Variants in LUC7L2 observed in about 807,000 individuals in gnomAD.
The protein encoded by LUC7L2 is putative RNA-binding protein Luc7-like 2.
Under a neutral mutation model 52.8 loss-of-function variants are expected in LUC7L2, and 25 were observed. That is an observed-to-expected ratio of 0.47 (90% CI 0.34 to 0.66). The LOEUF (loss-of-function observed/expected upper bound fraction) is 0.66, where lower values mean the gene tolerates loss of function less well. Among genes scored for constraint, LUC7L2 ranks in the 30% least tolerant of loss-of-function variants. LUC7L2 has a pLI of 0.01. For synonymous variants in LUC7L2, 144 were observed against 160.9 expected, an observed-to-expected ratio of 0.89 and a Z score of 0.80; for missense variants, 328 against 497.8, an observed-to-expected ratio of 0.66 and a Z score of 3.25.
chr7:139,354,388 GTCTC>G (rs937681468), intron 1 of LUC7L2, among the ~76,000 whole-genome samples: 5 of 152,192 alleles, frequency 3.3e-5, no homozygotes, highest in Admixed American at 6.5e-5. Flanking sequence ...TTGAAGCAGA[GTCTC>G]TCTCTGTCAC....
chr7:139,406,217 AATATTT>A (rs1426045588), intron 5 of LUC7L2, among the ~76,000 whole-genome samples: 2 of 151,732 alleles, frequency 1.3e-5, no homozygotes, highest in Admixed American at 1.3e-4. Flanking sequence ...ACACCTGGCT[AATATTT>A]ATATTTTTAG....
intron 2 of LUC7L2, among the ~76,000 whole-genome samples, chr7:139,393,098 C>G (rs192275857): frequency 1.8e-3 from 279 of 152,162 alleles, no homozygotes; most frequent in Middle Eastern, 3.4e-3. Context: ...GAAACCCCAA[C>G]TCTACTAAAA....
chr7:139,418,297 A>G (rs1585139078), intron 9 of LUC7L2, among the ~76,000 whole-genome samples: 2 of 152,172 alleles, frequency 1.3e-5, no homozygotes, highest in East Asian at 3.8e-4. Flanking sequence ...AGGGTAAGGT[A>G]TGTTTGAGGA....
rs763661447 is a variant in LUC7L2 at position 139,417,547 on chromosome 7, C to G, written c.819C>G (p.Ser273=). ...SHSKNPKRSR[S]REHRRHRSRS... ...AAATCTTGTCTGGTAGATCCAGGTCCAGAGAGCATCGCAGACATCGATCTC... is the reference window on the plus strand; with the variant it reads ...AAATCTTGTCTGGTAGATCCAGGTCGAGAGAGCATCGCAGACATCGATCTC... Residue 273 remains serine (S), a synonymous_variant, in exon 9 of 10, where the codon TCC becomes TCG. Coordinates refer to ENST00000354926, the MANE Select transcript of LUC7L2 (RefSeq NM_016019.5). 1.2e-6 allele frequency: 2 copies of G among 1,613,382 alleles called. No individual in the cohort carries two copies. The highest frequency in any genetic ancestry group is 1.7e-6 in the Non-Finnish European group (2 of 1,179,504).
At chr7:139,419,143 A>G (rs1795770682) in intron 9 of LUC7L2, among the ~76,000 whole-genome samples, 2 of 148,018 alleles carry the variant, frequency 1.4e-5, no homozygotes, top group Admixed American at 1.5e-4. Context: ...AAAAAAAAAC[A>G]AAAAGTCTCC....
intron 1 of LUC7L2, 130 bp downstream of exon 1, chr7:139,360,452 C>T (rs890025853): frequency 6.8e-6 from 5 of 740,298 alleles, no homozygotes; most frequent in Non-Finnish European, 1.1e-5. Context: ...CACGAGGTCC[C>T]CGTCCCCCGT....
At chr7:139,376,685 A>G (rs1305478143) in intron 2 of LUC7L2, among the ~76,000 whole-genome samples, 1 of 152,224 alleles carries the variant, frequency 6.6e-6, no homozygotes, top group Non-Finnish European at 1.5e-5. Context: ...ATCTTAGAGT[A>G]TCATCGTTTT....
intron 7 of LUC7L2, among the ~76,000 whole-genome samples, chr7:139,411,075 AT>A (rs1344033441): frequency 6.6e-6 from 1 of 152,216 alleles, no homozygotes; most frequent in Non-Finnish European, 1.5e-5. Flanking sequence ...ATTTTCAGTA[AT>A]ATTGGGAATC....
chr7:139,408,405 G>A (rs1795209428), intron 6 of LUC7L2, among the ~76,000 whole-genome samples: 1 of 152,144 alleles, frequency 6.6e-6, no homozygotes, highest in South Asian at 2.1e-4. Flanking sequence ...AATTGGAAGT[G>A]ACCTAAATAT....
At chr7:139,358,535 T>A (rs554771075), upstream of LUC7L2, among the ~76,000 whole-genome samples, 4 of 152,358 alleles carry the variant, frequency 2.6e-5, no homozygotes, top group South Asian at 8.3e-4. Context: ...TATACAGTGT[T>A]AATGGAACAC....
At chr7:139,412,824 TTAAAAAAAA>T in intron 8 of LUC7L2, 1 of 156,458 alleles carries the variant, frequency 6.4e-6, no homozygotes, top group Non-Finnish European at 1.1e-5. Flanking sequence ...GACTCTGTCT[TTAAAAAAAA>T]AAAAAAAAAA....
At chr7:139,404,583 T>A (rs1382851302) in intron 4 of LUC7L2, among the ~76,000 whole-genome samples, 1 of 152,218 alleles carries the variant, frequency 6.6e-6, no homozygotes, top group African/African-American at 2.4e-5. Flanking sequence ...GCAAAGACTT[T>A]GTGGCCCAAA....
chr7:139,408,187 A>T (rs1449862642), intron 6 of LUC7L2, among the ~76,000 whole-genome samples: 1 of 152,234 alleles, frequency 6.6e-6, no homozygotes, highest in African/African-American at 2.4e-5. Flanking sequence ...ATTCTCAGGT[A>T]ACAGTGGGCT....
intron 3 of LUC7L2, among the ~76,000 whole-genome samples, chr7:139,400,708 C>G (rs1380324638): frequency 2.0e-5 from 3 of 152,172 alleles, no homozygotes; most frequent in Non-Finnish European, 2.9e-5. Context: ...CCCCACATAG[C>G]TACTTAGTCA....
intron 1 of LUC7L2, among the ~76,000 whole-genome samples, chr7:139,372,143 G>T (rs1416818183): frequency 6.6e-6 from 1 of 152,128 alleles, no homozygotes; most frequent in African/African-American, 2.4e-5. Context: ...AATAACTATT[G>T]TAGAGGTTAT....
At chr7:139,419,112 A>G (rs1235019693) in intron 9 of LUC7L2, among the ~76,000 whole-genome samples, 2 of 133,572 alleles carry the variant, frequency 1.5e-5, no homozygotes, top group South Asian at 2.2e-4. Context: ...TCCAGCTCTC[A>G]AAACAAAAAA....
chr7:139,377,226 C>T (rs888005388), intron 2 of LUC7L2, among the ~76,000 whole-genome samples: 2 of 152,034 alleles, frequency 1.3e-5, no homozygotes, highest in African/African-American at 4.8e-5. Context: ...TTTTCTGATA[C>T]AGAGTCTTGC....
At chr7:139,395,232 C>T (rs979729911) in intron 2 of LUC7L2, among the ~76,000 whole-genome samples, 6 of 152,204 alleles carry the variant, frequency 3.9e-5, no homozygotes, top group Non-Finnish European at 8.8e-5. Flanking sequence ...ATGACAGCAT[C>T]CTTCTGCCAT....
intron 3 of LUC7L2, 125 bp downstream of exon 3, chr7:139,398,822 C>T (rs1386470650): frequency 4.0e-6 from 3 of 758,438 alleles, no homozygotes; most frequent in Non-Finnish European, 2.0e-6. Context: ...AAGGGTAAGA[C>T]TCAAGTAAGA....
Sources: allele counts gnomAD v4.1 joint callset (sites outside exome capture counted in the v4.1 genomes callset), GRCh38; gene constraint gnomAD v4.1.1; transcripts MANE v1.5; gene names NCBI Gene and HGNC (gene_info 2026-07-23, HGNC 2026-07-21).